Variants in SPAG16 observed in about 807,000 individuals in gnomAD.
SPAG16 encodes sperm-associated antigen 16 protein.
Under a neutral mutation model 80.4 loss-of-function variants are expected in SPAG16, and 86 were observed. The ratio of observed to expected loss-of-function variants is 1.07; its 90% CI spans 0.90 to 1.28. The LOEUF (loss-of-function observed/expected upper bound fraction) is 1.28, where lower values mean the gene tolerates loss of function less well. SPAG16 is among the 50% of genes most tolerant of loss of function. The pLI is 0.00. For missense variants in SPAG16, 870 were observed against 765.3 expected (o/e 1.14, Z -1.61); for synonymous variants, 294 against 265.9 (o/e 1.11, Z -1.03).
At chr2:213,922,585 A>T (rs1192828739) in intron 11 of SPAG16, among the ~76,000 whole-genome samples, 1 of 152,200 alleles carries the variant, frequency 6.6e-6, no homozygotes, top group African/African-American at 2.4e-5. Context: ...ATGATTATTT[A>T]GAGGAAAGAA....
intron 15 of SPAG16, among the ~76,000 whole-genome samples, chr2:214,209,666 A>G (rs931564506): frequency 1.3e-5 from 2 of 152,120 alleles, no homozygotes; most frequent in African/African-American, 4.8e-5. Flanking sequence ...ATTGTTACCA[A>G]TTTGACTAGT....
chr2:213,474,405 C>A (rs1192230942), intron 9 of SPAG16, among the ~76,000 whole-genome samples: 1 of 152,156 alleles, frequency 6.6e-6, no homozygotes, highest in Non-Finnish European at 1.5e-5. Flanking sequence ...GAGATAGAAT[C>A]CCTGGGTTCC....
intron 12 of SPAG16, among the ~76,000 whole-genome samples, chr2:213,938,831 G>A (rs998693653): frequency 1.3e-5 from 2 of 151,574 alleles, no homozygotes; most frequent in Non-Finnish European, 2.9e-5. Flanking sequence ...CTGTTATATG[G>A]AAAATCATTT....
intron 15 of SPAG16, among the ~76,000 whole-genome samples, chr2:214,358,367 G>A (rs1326970156): frequency 1.3e-5 from 2 of 151,872 alleles, no homozygotes; most frequent in African/African-American, 4.8e-5. Context: ...GCCACCTTTA[G>A]TGATACCTTA....
Position 213,757,193 on chromosome 2 carries a change from C to T in SPAG16, c.1071-105292C>T, listed in dbSNP as rs113413120. ...CTAAAGACTTGTTCTCTGAAAACTA[C>T]AAACATTTCTAAAGAAAATAAAGAT... On this transcript the variant is annotated intron_variant, in intron 10 of 15. Coordinates refer to ENST00000331683, the MANE Select transcript of SPAG16 (RefSeq NM_024532.5). 9.2e-5 allele frequency among the ~76,000 whole-genome samples: 14 copies of T among 152,196 alleles called. 1 individual carries two copies. The highest frequency in any genetic ancestry group is 2.4e-4 in the African/African-American group (10 of 41,538).
intron 15 of SPAG16, among the ~76,000 whole-genome samples, chr2:214,220,253 G>A (rs1489301832): frequency 6.6e-6 from 1 of 151,926 alleles, no homozygotes; most frequent in African/African-American, 2.4e-5. Flanking sequence ...TATCTAATCT[G>A]CTTATAACTT....
At chr2:213,998,027 TAA>T (rs2046610843) in intron 12 of SPAG16, among the ~76,000 whole-genome samples, 3 of 152,170 alleles carry the variant, frequency 2.0e-5, no homozygotes, top group African/African-American at 7.2e-5. Flanking sequence ...GATGAGAAAA[TAA>T]AAACTAAAAT....
chr2:214,117,657 A>G (rs1462767114), intron 14 of SPAG16, among the ~76,000 whole-genome samples: 4 of 152,228 alleles, frequency 2.6e-5, no homozygotes, highest in African/African-American at 7.2e-5. Context: ...ATCATTCAGC[A>G]TCATCAAATG....
intron 10 of SPAG16, among the ~76,000 whole-genome samples, chr2:213,656,449 G>A (rs989103270): frequency 1.3e-5 from 2 of 152,176 alleles, no homozygotes; most frequent in South Asian, 2.1e-4. Context: ...GTGAGCCACC[G>A]CACCCGGCCG....
chr2:213,448,061 A>C (rs113391896), intron 9 of SPAG16, among the ~76,000 whole-genome samples: 3,572 of 152,330 alleles, frequency 0.023, 58 homozygotes, highest in African/African-American at 0.038. Flanking sequence ...TTATTTTGTT[A>C]ATGATTGCCA....
intron 15 of SPAG16, among the ~76,000 whole-genome samples, chr2:214,220,231 C>A (rs188657882): frequency 6.6e-6 from 1 of 152,090 alleles, no homozygotes; most frequent in East Asian, 1.9e-4. Flanking sequence ...ATCCTTGGTC[C>A]AGATCTTCTT....
chr2:213,996,539 G>A (rs1245245555), intron 12 of SPAG16, among the ~76,000 whole-genome samples: 1 of 150,920 alleles, frequency 6.6e-6, no homozygotes, highest in Non-Finnish European at 1.5e-5. Context: ...GTAAAGTAAT[G>A]AGGAAGCTCT....
At chr2:213,413,916 T>G (rs531669429) in intron 9 of SPAG16, among the ~76,000 whole-genome samples, 1 of 152,292 alleles carries the variant, frequency 6.6e-6, no homozygotes, top group South Asian at 2.1e-4. Flanking sequence ...AACAAAGTTA[T>G]GACAGATTGA....
At chr2:213,479,855 T>A (rs779628427) in intron 9 of SPAG16, among the ~76,000 whole-genome samples, 3 of 152,200 alleles carry the variant, frequency 2.0e-5, no homozygotes, top group Non-Finnish European at 4.4e-5. Flanking sequence ...TAAAGAAAGA[T>A]CAAGAAAGTT....
intron 10 of SPAG16, among the ~76,000 whole-genome samples, chr2:213,847,130 T>C (rs12620361): frequency 0.36 from 55,240 of 152,006 alleles, 10,455 homozygotes; most frequent in East Asian, 0.53. Flanking sequence ...CTCTCTGACC[T>C]ACCCTCTGTC....
intron 12 of SPAG16, among the ~76,000 whole-genome samples, chr2:214,013,034 T>G (rs1393480681): frequency 6.6e-6 from 1 of 152,074 alleles, no homozygotes; most frequent in African/African-American, 2.4e-5. Flanking sequence ...GGTAAAAAAT[T>G]TTAAAAACCA....
intron 12 of SPAG16, among the ~76,000 whole-genome samples, chr2:213,942,511 C>A (rs1447840414): frequency 6.6e-6 from 1 of 152,154 alleles, no homozygotes; most frequent in Non-Finnish European, 1.5e-5. Context: ...TTTCCCTTTT[C>A]TCTGGATGTT....
intron 15 of SPAG16, among the ~76,000 whole-genome samples, chr2:214,262,211 G>T (rs1434995166): frequency 1.3e-5 from 2 of 151,956 alleles, no homozygotes; most frequent in Admixed American, 6.5e-5. Context: ...TTATCAAACT[G>T]CTCTTAGCAT....
At chr2:214,110,251 T>A (rs1318596460) in intron 14 of SPAG16, among the ~76,000 whole-genome samples, 2 of 152,120 alleles carry the variant, frequency 1.3e-5, no homozygotes, top group African/African-American at 4.8e-5. Context: ...CAACTCATCA[T>A]TTACATTAGG....
Sources: gnomAD v4.1 joint callset for allele counts (sites outside exome capture counted in the v4.1 genomes callset) on GRCh38, gnomAD v4.1.1 for gene constraint, MANE v1.5 for transcripts, NCBI Gene and HGNC (gene_info 2026-07-23, HGNC 2026-07-21) for gene names.